The following PASD1 variants were observed in gnomAD, a reference collection of about 807,000 sequenced individuals.
The protein encoded by PASD1 is PAS domain containing repressor 1.
In PASD1, 13 loss-of-function variants were observed where a neutral mutation model predicts 58.8. The ratio of observed to expected loss-of-function variants is 0.22; its 90% CI spans 0.14 to 0.35. The LOEUF (loss-of-function observed/expected upper bound fraction) is 0.35, where lower values mean the gene tolerates loss of function less well. Ranked by LOEUF, PASD1 falls within the 10% of genes least tolerant of loss-of-function variation. PASD1 has a pLI of 1.00. For synonymous variants in PASD1, 236 were observed against 216.7 expected, an observed-to-expected ratio of 1.09 and a Z score of -0.78; for missense variants, 734 against 568.3, an observed-to-expected ratio of 1.29 and a Z score of -2.96.
intron 15 of PASD1, among the ~76,000 whole-genome samples, chrX:151,675,717 A>G (rs1471861637): frequency 8.9e-6 from 1 of 111,977 alleles, no homozygotes; most frequent in Non-Finnish European, 1.9e-5. Context: ...GAAGCTGGAC[A>G]AGAGAGGGCC....
At chrX:151,601,850 C>G (rs754183851) in intron 2 of PASD1, among the ~76,000 whole-genome samples, 1 of 112,263 alleles carries the variant, frequency 8.9e-6, no homozygotes, top group Non-Finnish European at 1.9e-5. Flanking sequence ...TAAGGGTTGT[C>G]AAATGACTGA....
At chrX:151,630,584 G>A (rs745552555) in intron 8 of PASD1, among the ~76,000 whole-genome samples, 47 of 112,384 alleles carry the variant, frequency 4.2e-4, no homozygotes, top group Non-Finnish European at 6.9e-4. Flanking sequence ...TATCAGGGTT[G>A]TAATTTTTAG....
At chrX:151,651,853 C>T (rs146038639) in intron 9 of PASD1, among the ~76,000 whole-genome samples, 30 of 112,065 alleles carry the variant, frequency 2.7e-4, no homozygotes, top group African/African-American at 9.4e-4. Context: ...CAAAGTCACA[C>T]AGTAAGTGTC....
At chrX:151,584,217 AGAAGAAAAGCAGAAGCTTTTCTT>A (rs2013136260) in intron 1 of PASD1, among the ~76,000 whole-genome samples, 1 of 111,881 alleles carries the variant, frequency 8.9e-6, no homozygotes, top group Non-Finnish European at 1.9e-5. Context: ...CAATACATCC[AGAAGAAAAGCAGAAGCTTTTCTT>A]TTCTTCATAT....
chrX:151,601,133 T>C (rs1192813311), intron 1 of PASD1, among the ~76,000 whole-genome samples: 1 of 112,576 alleles, frequency 8.9e-6, no homozygotes, highest in Non-Finnish European at 1.9e-5. Flanking sequence ...CTTCATTTCC[T>C]TAAATTTTCT....
intron 8 of PASD1, among the ~76,000 whole-genome samples, chrX:151,630,455 A>G (rs1459212175): frequency 8.9e-6 from 1 of 112,539 alleles, no homozygotes; most frequent in Non-Finnish European, 1.9e-5. Flanking sequence ...GATCTCTCAA[A>G]CATTATGCAG....
chrX:151,638,988 A>G (rs982756315), intron 8 of PASD1, among the ~76,000 whole-genome samples: 5 of 111,652 alleles, frequency 4.5e-5, no homozygotes, highest in Non-Finnish European at 9.4e-5. Flanking sequence ...TCTCCATTGC[A>G]CTTGGAATAA....
chrX:151,623,484 T>C (rs1244674309), intron 7 of PASD1, among the ~76,000 whole-genome samples: 4 of 111,739 alleles, frequency 3.6e-5, no homozygotes, highest in African/African-American at 9.8e-5. Flanking sequence ...TTCTCTAATA[T>C]AGCATTCACA....
intron 14 of PASD1, 143 bp from the exon 15 acceptor site, chrX:151,673,763 CAAGTTGAATCTTAGTCAGGCCA>C (rs1159199203): frequency 5.4e-6 from 3 of 550,763 alleles, no homozygotes; most frequent in Non-Finnish European, 8.9e-6. Flanking sequence ...ATTACTTTGA[CAAGTTGAATCTTAGTCAGGCCA>C]AAGTGAGAAT....
intron 3 of PASD1, among the ~76,000 whole-genome samples, chrX:151,607,061 G>A (rs2013497907): frequency 9.0e-6 from 1 of 111,576 alleles, no homozygotes; most frequent in Non-Finnish European, 1.9e-5. Flanking sequence ...TCCCTTTGTC[G>A]TAATCTTCTT....
intron 1 of PASD1, among the ~76,000 whole-genome samples, chrX:151,598,968 C>T (rs1006105268): frequency 2.7e-5 from 3 of 111,102 alleles, no homozygotes; most frequent in Non-Finnish European, 5.7e-5. Flanking sequence ...AGGGCCCTGC[C>T]GCCTTCCGCA....
chrX:151,641,861 A>T (rs1436561799), intron 8 of PASD1, among the ~76,000 whole-genome samples: 2 of 111,511 alleles, frequency 1.8e-5, no homozygotes, highest in African/African-American at 3.3e-5. Context: ...CGTATACCAG[A>T]CATTTTCCTT....
In PASD1 at chrX:151,578,703, G is replaced by A. The variant is rs151251457; in HGVS notation, c.-28+14864G>A. Among the ~76,000 whole-genome samples the A allele has an allele frequency of 3.1e-3, 346 of 111,710 alleles. 2 individuals carry two copies. Among genetic ancestry groups the A allele is most frequent in the African/African-American group, 0.011 (331 of 30,772 alleles). ...TCTGATCTTAGATGCTGTTGCTTGG[G>A]GATGACATTTGCCAGAGATTTCTCC... On this transcript the variant is annotated intron_variant, in intron 1 of 15. Coordinates refer to ENST00000370357, the MANE Select transcript of PASD1 (RefSeq NM_173493.3).
chrX:151,634,949 T>C (rs748087566), intron 8 of PASD1, among the ~76,000 whole-genome samples: 1 of 112,139 alleles, frequency 8.9e-6, no homozygotes, highest in Non-Finnish European at 1.9e-5. Context: ...CTGTTGATAA[T>C]TTTCTAACAG....
chrX:151,669,175 T>G (rs2014429819), intron 11 of PASD1, among the ~76,000 whole-genome samples: 1 of 93,857 alleles, frequency 1.1e-5, no homozygotes, highest in South Asian at 4.5e-4. Context: ...TATGTGTGTG[T>G]GTATATATAT....
intron 1 of PASD1, among the ~76,000 whole-genome samples, chrX:151,595,489 C>T (rs2013308621): frequency 9.1e-6 from 1 of 109,921 alleles, no homozygotes; most frequent in South Asian, 3.9e-4. Context: ...GAGGCTGAGG[C>T]GGGCGGATCA....
At chrX:151,615,180 A>G (rs770318267) in intron 4 of PASD1, among the ~76,000 whole-genome samples, 5 of 111,502 alleles carry the variant, frequency 4.5e-5, no homozygotes, top group South Asian at 3.8e-4. Context: ...ACTTTTTCTT[A>G]TTATGTGAAG....
intron 7 of PASD1, among the ~76,000 whole-genome samples, chrX:151,624,409 A>G (rs997652395): frequency 9.0e-6 from 1 of 111,492 alleles, no homozygotes; most frequent in Non-Finnish European, 1.9e-5. Context: ...GTTACAACAT[A>G]AAACATCTCC....
intron 11 of PASD1, among the ~76,000 whole-genome samples, chrX:151,668,785 A>G (rs1602966548): frequency 9.1e-6 from 1 of 109,865 alleles, no homozygotes. Flanking sequence ...AGGTACAAGG[A>G]GGAGCTGGTA....
Sources: gnomAD v4.1 joint callset for allele counts (sites outside exome capture counted in the v4.1 genomes callset) on GRCh38, gnomAD v4.1.1 for gene constraint, MANE v1.5 for transcripts, NCBI Gene and HGNC (gene_info 2026-07-23, HGNC 2026-07-21) for gene names.